The following NDUFC1 variants were observed in gnomAD, a reference collection of about 807,000 sequenced individuals.
The protein encoded by NDUFC1 is NADH dehydrogenase [ubiquinone] 1 subunit C1, mitochondrial.
A neutral mutation model predicts 11.6 loss-of-function variants in NDUFC1; 11 were observed. The ratio of observed to expected loss-of-function variants is 0.95; its 90% confidence interval spans 0.60 to 1.58. The LOEUF is 1.58. NDUFC1 is among the 40% of genes most tolerant of loss of function. The probability of loss-of-function intolerance (pLI) is 0.00; values close to 1 mark genes in which losing one functional copy is unlikely to be tolerated. For synonymous variants in NDUFC1, 52 were observed against 42.2 expected (o/e 1.23, Z -0.90); for missense variants, 112 against 93.0 (o/e 1.20, Z -0.84).
intron 4 of NDUFC1, among the ~76,000 whole-genome samples, chr4:139,294,639 G>A (rs1222511976): frequency 6.6e-6 from 1 of 151,500 alleles, no homozygotes; most frequent in Non-Finnish European, 1.5e-5. Context: ...GGAGGCTGAG[G>A]CAGGAGAATG....
chr4:139,292,543 C>T lies in NDUFC1; in HGVS notation c.*7G>A. The T allele has an allele frequency of 2.6e-6, 4 of 1,520,648 alleles. No homozygotes were observed. The highest frequency in any genetic ancestry group is 3.6e-6 in the Non-Finnish European group (4 of 1,104,472). The allele number at this position is 1,520,648 out of a possible 1,614,324, so 94.2% of individuals were successfully genotyped here. On this transcript the variant is annotated 3_prime_UTR_variant, in exon 5 of 6. Coordinates refer to ENST00000394223, the MANE Select transcript of NDUFC1 (RefSeq NM_001184989.2). The stretch of plus-strand genomic sequence containing the variant: ...TTGTATACTTACTACATTAGTGTTT[C>T]AAAAGTTTATTCCAGCCCATTTCTT...
intron 2 of NDUFC1, among the ~76,000 whole-genome samples, chr4:139,297,042 A>C (rs972225192): frequency 1.3e-5 from 2 of 152,194 alleles, no homozygotes; most frequent in African/African-American, 4.8e-5. Context: ...TTTGTAACCT[A>C]GTTTGAGCCT....
chr4:139,291,959 C>T (rs371290354), intron 5 of NDUFC1, among the ~76,000 whole-genome samples: 23 of 151,668 alleles, frequency 1.5e-4, no homozygotes, highest in African/African-American at 4.6e-4. Context: ...GCCTCAGCCT[C>T]GCGAGTAGCT....
chr4:139,300,991 G>A (rs1745693554), intron 1 of NDUFC1: 1 of 152,212 alleles, frequency 6.6e-6, no homozygotes, highest in Non-Finnish European at 1.5e-5. Flanking sequence ...CCATTTCATC[G>A]GTCAAGCTCT....
At chr4:139,294,149 T>C (rs1271000776) in intron 4 of NDUFC1, among the ~76,000 whole-genome samples, 1 of 151,832 alleles carries the variant, frequency 6.6e-6, no homozygotes, top group African/African-American at 2.4e-5. Context: ...TTCACTGTGT[T>C]AGCCAGGATG....
intron 2 of NDUFC1, among the ~76,000 whole-genome samples, chr4:139,296,540 C>T (rs1745483533): frequency 6.6e-6 from 1 of 152,198 alleles, no homozygotes; most frequent in African/African-American, 2.4e-5. Context: ...CCATTCTGCT[C>T]ACCACTTTTT....
intron 1 of NDUFC1, chr4:139,301,237 A>T: frequency 3.3e-6 from 1 of 303,046 alleles, no homozygotes. Context: ...TCGATCTAGC[A>T]GGAAGGCGCC....
intron 3 of NDUFC1, among the ~76,000 whole-genome samples, chr4:139,295,395 G>A (rs1015107582): frequency 1.2e-4 from 18 of 152,260 alleles, no homozygotes; most frequent in African/African-American, 4.3e-4. Context: ...ACCCTCAGAC[G>A]ACTCGGGAGT....
Position 139,299,266 on chromosome 4 carries a change from C to G in NDUFC1, c.-221-1823G>C, listed in dbSNP as rs62323070. Among the ~76,000 whole-genome samples the G allele has an allele frequency of 1.5e-4, 22 of 150,528 alleles. 1 individual carries two copies. The highest frequency in any genetic ancestry group is 4.9e-4 in the African/African-American group (20 of 40,830). The stretch of plus-strand genomic sequence containing the variant: ...TACAGGTGTGAGCCACCAAGCCCAG[C>G]CTTTTTTTTTTTTTTAAATAAGATC... On this transcript the variant is annotated intron_variant, in intron 1 of 5. Transcript: ENST00000394223.
At chr4:139,301,747 G>A in intron 1 of NDUFC1, 1 of 1,554,448 alleles carries the variant, frequency 6.4e-7, no homozygotes, top group Non-Finnish European at 8.7e-7. Context: ...CGAGCCGGGT[G>A]GTGGCGGGAG....
intron 4 of NDUFC1, among the ~76,000 whole-genome samples, chr4:139,293,306 A>G (rs549002069): frequency 2.6e-5 from 4 of 152,272 alleles, no homozygotes; most frequent in Admixed American, 1.3e-4. Flanking sequence ...CCTTGATTGA[A>G]TGACCAACCC....
intron 5 of NDUFC1, among the ~76,000 whole-genome samples, chr4:139,292,088 C>T (rs966631816): frequency 1.2e-4 from 18 of 152,172 alleles, no homozygotes; most frequent in African/African-American, 2.2e-4. Context: ...CCACCCGCCT[C>T]GGCCTCCCAA....
At chr4:139,297,005 G>A (rs1304521223) in intron 2 of NDUFC1, among the ~76,000 whole-genome samples, 1 of 152,160 alleles carries the variant, frequency 6.6e-6, no homozygotes, top group Non-Finnish European at 1.5e-5. Flanking sequence ...GTGGCTAAAT[G>A]GATTGCTAAA....
At chr4:139,292,230 A>G (rs1745254125) in intron 5 of NDUFC1, among the ~76,000 whole-genome samples, 1 of 152,176 alleles carries the variant, frequency 6.6e-6, no homozygotes, top group Non-Finnish European at 1.5e-5. Flanking sequence ...TGAGGCTAGC[A>G]AAGTGGCTCA....
At chr4:139,302,046 G>A (rs1162532470) in intron 1 of NDUFC1, 3 of 446,918 alleles carry the variant, frequency 6.7e-6, no homozygotes, top group Non-Finnish European at 1.2e-5. Context: ...CCATCCCCAC[G>A]CTTGAGGCCC....
chr4:139,292,621 T>C lies in NDUFC1; in HGVS notation c.172-12A>G. 1 of 1,484,998 alleles carries C rather than the reference T, an allele frequency of 6.7e-7. No individual in the cohort carries two copies. Among genetic ancestry groups the C allele is most frequent in the Non-Finnish European group, 9.3e-7 (1 of 1,080,350 alleles). 92.0% of individuals were successfully genotyped at this position (1,484,998 alleles called of 1,614,324 possible). On this transcript the variant is annotated splice_polypyrimidine_tract_variant and intron_variant, in intron 4 of 5. Coordinates refer to ENST00000394223, the MANE Select transcript of NDUFC1 (RefSeq NM_001184989.2). Reference sequence around the variant, plus strand: ...TGTTGTTTGATGAGCTACAAAGAGTTAAACAGTTAAAATTAGAAATGTAAT... The same window carrying C: ...TGTTGTTTGATGAGCTACAAAGAGTCAAACAGTTAAAATTAGAAATGTAAT...
rs1343465438 is a variant in NDUFC1 at position 139,290,111 on chromosome 4, A to G, written c.*21-19T>C. 6.6e-6 allele frequency: 1 copy of G among 152,104 alleles called. No homozygotes were observed. The highest frequency in any genetic ancestry group is 2.4e-5 in the African/African-American group (1 of 41,436). The allele number at this position is 152,104 out of a possible 1,614,324, so 9.4% of individuals were successfully genotyped here. On this transcript the variant is annotated intron_variant, in intron 5 of 5. Coordinates refer to ENST00000394223, the MANE Select transcript of NDUFC1 (RefSeq NM_001184989.2). ...AGCATACCTATAATGAAGAAAAAAA[A>G]AACTGTAGCATTAACCAGCAGAAAT...
intron 1 of NDUFC1, chr4:139,301,906 C>T: frequency 6.7e-7 from 1 of 1,489,048 alleles, no homozygotes. Flanking sequence ...AACCTCGGCC[C>T]GGCGGGCACT....
chr4:139,299,308 T>C (rs1178507534), intron 1 of NDUFC1, among the ~76,000 whole-genome samples: 1 of 151,954 alleles, frequency 6.6e-6, no homozygotes, highest in Non-Finnish European at 1.5e-5. Flanking sequence ...CTTAATAAGA[T>C]GTAACAGTCT....
Sources: allele counts gnomAD v4.1 joint callset (sites outside exome capture counted in the v4.1 genomes callset), GRCh38; gene constraint gnomAD v4.1.1; transcripts MANE v1.5; gene names NCBI Gene and HGNC (gene_info 2026-07-23, HGNC 2026-07-21).